PPT1: variants seen among roughly 807,000 people sequenced by gnomAD.
The protein encoded by PPT1 is palmitoyl-protein thioesterase 1.
A neutral mutation model predicts 44.0 loss-of-function variants in PPT1; 24 were observed. The ratio of observed to expected loss-of-function variants is 0.54; its 90% CI spans 0.39 to 0.77. PPT1 has a LOEUF of 0.77. Among genes scored for constraint, PPT1 ranks in the 30% least tolerant of loss-of-function variants. The pLI is 0.00. For synonymous variants in PPT1, 148 were observed against 140.2 expected (o/e 1.06, Z -0.39); for missense variants, 341 against 378.8 (o/e 0.90, Z 0.83).
In PPT1 at chr1:40,078,569, T is replaced by A. The variant is rs1263161320; in HGVS notation, c.717A>T (p.Val239=). 3.7e-6 allele frequency: 6 copies of A among 1,613,602 alleles called. No homozygotes were observed. Among genetic ancestry groups the A allele is most frequent in the Non-Finnish European group, 4.2e-6 (5 of 1,179,680 alleles). Residue 239 remains valine (V), a synonymous_variant, in exon 7 of 9, where the codon GTA becomes GTT. Transcript: ENST00000642050. ...KFLNDSIVDP[V]DSEWFGFYRS... is the part of the protein sequence containing the mutation. ...CTAAGTAGTGTCTCACCTCCGAATC[T>A]ACAGGGTCCACAATGGAATCATTGA...
chr1:40,092,633 T>C (rs1437027840), intron 1 of PPT1, 126 bp from the exon 2 acceptor site: 14 of 797,332 alleles, frequency 1.8e-5, no homozygotes, highest in Non-Finnish European at 2.4e-5. Flanking sequence ...AGAAAATATT[T>C]GCAAAACAGT....
intron 5 of PPT1, among the ~76,000 whole-genome samples, chr1:40,085,796 C>T (rs1178745067): frequency 6.6e-6 from 1 of 152,124 alleles, no homozygotes; most frequent in Admixed American, 6.5e-5. Context: ...GCTGGGAAAC[C>T]AACAACTTTG....
At chr1:40,078,875 G>A (rs1245527158) in intron 6 of PPT1, 2 of 526,556 alleles carry the variant, frequency 3.8e-6, no homozygotes, top group Admixed American at 5.1e-5. Context: ...ATTCAGGGGG[G>A]TACATGTGTA....
downstream of PPT1, chr1:40,072,253 A>G (rs1022235597): frequency 7.4e-5 from 11 of 148,084 alleles, no homozygotes; most frequent in African/African-American, 1.7e-4. Context: ...CTTTAAAAGG[A>G]AAAAAAAAAA....
chr1:40,075,246 C>CT (rs1648554147), intron 8 of PPT1: 1 of 152,168 alleles, frequency 6.6e-6, no homozygotes, highest in African/African-American at 2.4e-5. Context: ...ATGAGCAAAA[C>CT]TGTCTCAAAA....
chr1:40,085,921 G>A (rs182525352), intron 5 of PPT1, among the ~76,000 whole-genome samples: 7 of 152,234 alleles, frequency 4.6e-5, no homozygotes, highest in African/African-American at 1.4e-4. Flanking sequence ...TTTTTGAATG[G>A]CTGAAAGTCT....
At chr1:40,087,976 TA>T (rs1481504404) in intron 5 of PPT1, among the ~76,000 whole-genome samples, 1 of 152,132 alleles carries the variant, frequency 6.6e-6, no homozygotes, top group Non-Finnish European at 1.5e-5. Flanking sequence ...TGTAGGTGGT[TA>T]CAACATGAGT....
chr1:40,079,636 T>G (rs1271338796), intron 6 of PPT1, among the ~76,000 whole-genome samples: 1 of 152,168 alleles, frequency 6.6e-6, no homozygotes, highest in Non-Finnish European at 1.5e-5. Flanking sequence ...CCTCAAGTGA[T>G]CTGCCCACCT....
intron 7 of PPT1, 61 bp downstream of exon 7, chr1:40,078,499 G>C: frequency 6.6e-7 from 1 of 1,524,750 alleles, no homozygotes; most frequent in Non-Finnish European, 9.1e-7. Context: ...ACCGTGCCCG[G>C]CCAGCAGCCC....
intron 8 of PPT1, chr1:40,075,066 C>A (rs1309768965): frequency 6.6e-6 from 1 of 152,104 alleles, no homozygotes; most frequent in African/African-American, 2.4e-5. Context: ...ACCAGCCTGA[C>A]CAATATGATG....
At chr1:40,095,401 A>T (rs1190197576) in intron 1 of PPT1, among the ~76,000 whole-genome samples, 1 of 151,376 alleles carries the variant, frequency 6.6e-6, no homozygotes, top group Non-Finnish European at 1.5e-5. Context: ...TATGCCGAAG[A>T]CTCCCTACTT....
chr1:40,086,880 G>A (rs1049357881), intron 5 of PPT1, among the ~76,000 whole-genome samples: 7 of 151,894 alleles, frequency 4.6e-5, no homozygotes, highest in African/African-American at 1.5e-4. Context: ...TGAGGCTTTA[G>A]GCACCAACAG....
intron 6 of PPT1, among the ~76,000 whole-genome samples, chr1:40,079,886 G>GT (rs1205821542): frequency 3.9e-5 from 6 of 152,074 alleles, no homozygotes; most frequent in Admixed American, 6.5e-5. Context: ...ATTCTGTGTT[G>GT]TTTTTTGTTT....
chr1:40,077,797 T>G (rs777711012), intron 7 of PPT1, among the ~76,000 whole-genome samples: 1 of 151,946 alleles, frequency 6.6e-6, no homozygotes. Context: ...CAGAAATATA[T>G]GAACCAAGGC....
Position 40,089,420 on chromosome 1 carries a change from C to T in PPT1, c.526G>A (p.Val176Ile). 2 of 1,613,800 alleles carry T rather than the reference C, an allele frequency of 1.2e-6. No homozygotes were observed. Among genetic ancestry groups the T allele is most frequent in the Non-Finnish European group, 1.7e-6 (2 of 1,179,822 alleles). Residue 176 changes from valine (V) to isoleucine (I), a missense_variant, in exon 5 of 9, where the codon GTT becomes ATT. Val to Ile is a conservative substitution (Grantham distance 29, BLOSUM62 3). Transcript: ENST00000642050. ...TLNAGAYSKV[V>I]QERLVQAEYW... Reference sequence around the variant, plus strand: ...GCTAACCATACATACCGTTCCTGAACAACTTTGGAGTACGCCCCAGCATTC... The same window carrying T: ...GCTAACCATACATACCGTTCCTGAATAACTTTGGAGTACGCCCCAGCATTC...
chr1:40,081,234 G>C (rs1277180092), intron 5 of PPT1, among the ~76,000 whole-genome samples: 1 of 152,074 alleles, frequency 6.6e-6, no homozygotes, highest in Non-Finnish European at 1.5e-5. Flanking sequence ...GAGATCTGAT[G>C]GTTTCAAAGA....
At chr1:40,097,016 G>C (rs1172037335) in intron 1 of PPT1, 99 bp downstream of exon 1, 1 of 1,602,610 alleles carries the variant, frequency 6.2e-7, no homozygotes, top group African/African-American at 1.3e-5. Flanking sequence ...CGTGCTGTGG[G>C]ACCACGTCCT....
rs549251715 is a variant in PPT1, at chr1:40,089,472, G to A, written c.474C>T (p.His158=). Residue 158 remains histidine, a synonymous_variant, in exon 5 of 9, where the codon CAC becomes CAT. Transcript: ENST00000642050. ...GLPRCPGESS[H]ICDFIRKTLN... ...GTGTTTTTCGGATGAAGTCACAGAT[G>A]TGAGAGCTCTCTCCTGGGCATCGAG... The A allele has an allele frequency of 5.0e-6, 8 of 1,614,054 alleles. No individual in the cohort carries two copies. The highest frequency in any genetic ancestry group is 4.0e-5 in the African/African-American group (3 of 74,990).
chr1:40,083,882 A>T (rs1248432532), intron 5 of PPT1, among the ~76,000 whole-genome samples: 1 of 152,072 alleles, frequency 6.6e-6, no homozygotes, highest in Non-Finnish European at 1.5e-5. Flanking sequence ...TCCTATCTCT[A>T]CAAAAAAATT....
Sources: allele counts gnomAD v4.1 joint callset (sites outside exome capture counted in the v4.1 genomes callset), GRCh38; gene constraint gnomAD v4.1.1; transcripts MANE v1.5; gene names NCBI Gene and HGNC (gene_info 2026-07-23, HGNC 2026-07-21).